Variants in GLRA1 observed in about 807,000 individuals in gnomAD.
The protein encoded by GLRA1 is glycine receptor subunit alpha-1.
Under a neutral mutation model 48.3 loss-of-function variants are expected in GLRA1, and 37 were observed. The ratio of observed to expected loss-of-function variants is 0.77; its 90% CI spans 0.59 to 1.01. The LOEUF (loss-of-function observed/expected upper bound fraction) is 1.01. GLRA1 is among the 50% of genes least tolerant of loss of function. The pLI is 0.00. For missense variants in GLRA1, 427 were observed against 571.0 expected, an observed-to-expected ratio of 0.75 and a Z score of 2.57; for synonymous variants, 196 against 210.7, an observed-to-expected ratio of 0.93 and a Z score of 0.60.
At chr5:151,867,809 G>GAATT (rs2113373215) in intron 3 of GLRA1, among the ~76,000 whole-genome samples, 1 of 152,298 alleles carries the variant, frequency 6.6e-6, no homozygotes, top group East Asian at 1.9e-4. Flanking sequence ...GCTGCAAAAT[G>GAATT]AATTAATTTG....
At chr5:151,889,659 A>G (rs751527432) in intron 2 of GLRA1, among the ~76,000 whole-genome samples, 1 of 152,132 alleles carries the variant, frequency 6.6e-6, no homozygotes, top group African/African-American at 2.4e-5. Context: ...GGTTTTAAAC[A>G]ATGCAGACCT....
At chr5:151,864,699 G>A (rs756003666) in intron 3 of GLRA1, among the ~76,000 whole-genome samples, 16 of 152,160 alleles carry the variant, frequency 1.1e-4, no homozygotes, top group African/African-American at 4.8e-5. Flanking sequence ...CTCCTAGCAA[G>A]ACCGAATCAC....
chr5:151,849,107 T>TC (rs1458240348), intron 7 of GLRA1: 1 of 130,094 alleles, frequency 7.7e-6, no homozygotes, highest in African/African-American at 7.8e-5. Context: ...TCTTTTCTTT[T>TC]CTTTCTTTCT....
At chr5:151,834,984 C>T (rs1279108458) in intron 7 of GLRA1, among the ~76,000 whole-genome samples, 12 of 136,330 alleles carry the variant, frequency 8.8e-5, no homozygotes, top group East Asian at 2.2e-4. Flanking sequence ...GCCAAGATTG[C>T]GCCACTGCAC....
intron 7 of GLRA1, chr5:151,849,144 CTTTCTTTCTTTTCTTTTCTTT>C (rs1752784937): frequency 5.4e-6 from 1 of 184,680 alleles, no homozygotes; most frequent in South Asian, 2.2e-4. Context: ...TTCTTTCTTT[CTTTCTTTCTTTTCTTTTCTTT>C]TCTTTCTTTC....
chr5:151,896,377 A>G (rs1447303200), intron 1 of GLRA1, among the ~76,000 whole-genome samples: 1 of 152,252 alleles, frequency 6.6e-6, no homozygotes, highest in African/African-American at 2.4e-5. Flanking sequence ...CAAATGCTAC[A>G]ACGTAAGGGA....
rs117996103 is a variant in GLRA1 at position 151,860,178 on chromosome 5, G to A, written c.253-170C>T. Among the ~76,000 whole-genome samples the A allele has an allele frequency of 6.6e-5, 10 of 152,126 alleles. No individual in the cohort carries two copies. The East Asian group carries it at 1.9e-3, about 29-fold the overall frequency. ...AAGGTGTGTATCAGGCAAAACCATG[G>A]GAGTCATAATTACTCCTGAAAATCC... is the stretch of plus-strand genomic sequence containing the variant. On this transcript the variant is annotated intron_variant, in intron 3 of 8. Transcript: ENST00000274576.
intron 7 of GLRA1, among the ~76,000 whole-genome samples, chr5:151,836,923 A>G (rs1045985533): frequency 3.3e-5 from 5 of 152,226 alleles, no homozygotes; most frequent in African/African-American, 1.2e-4. Flanking sequence ...AATGGCAACA[A>G]AAGCCAAAAT....
intron 3 of GLRA1, 75 bp downstream of exon 3, chr5:151,886,646 C>G: frequency 9.0e-7 from 1 of 1,112,942 alleles, no homozygotes; most frequent in Non-Finnish European, 1.4e-6. Flanking sequence ...TTGGTGGAGA[C>G]CAATGCAGAG....
At chr5:151,891,810 A>G (rs1754081750) in intron 2 of GLRA1, among the ~76,000 whole-genome samples, 1 of 152,174 alleles carries the variant, frequency 6.6e-6, no homozygotes, top group Non-Finnish European at 1.5e-5. Flanking sequence ...GGGGAGGAGC[A>G]GGGTGGGCTT....
intron 1 of GLRA1, among the ~76,000 whole-genome samples, chr5:151,911,206 C>T (rs1754600684): frequency 6.6e-6 from 1 of 152,168 alleles, no homozygotes; most frequent in South Asian, 2.1e-4. Flanking sequence ...TACTCTTTGC[C>T]TACCTGGTAA....
chr5:151,895,353 G>A (rs1337748954), intron 1 of GLRA1, among the ~76,000 whole-genome samples: 1 of 152,130 alleles, frequency 6.6e-6, no homozygotes, highest in Non-Finnish European at 1.5e-5. Flanking sequence ...TATATTGCAT[G>A]TGTTTGTTTT....
At chr5:151,842,251 A>G (rs937535848) in intron 7 of GLRA1, among the ~76,000 whole-genome samples, 1 of 152,010 alleles carries the variant, frequency 6.6e-6, no homozygotes, top group Non-Finnish European at 1.5e-5. Flanking sequence ...AACATTTCCC[A>G]ACTCTTTCTA....
intron 7 of GLRA1, chr5:151,850,109 C>T (rs1388612097): frequency 6.2e-6 from 10 of 1,604,032 alleles, no homozygotes; most frequent in African/African-American, 2.7e-5. Flanking sequence ...CAGATGGGTA[C>T]CACTTTGGTT....
chr5:151,919,925 G>A (rs1007762989), intron 1 of GLRA1, among the ~76,000 whole-genome samples: 3 of 152,220 alleles, frequency 2.0e-5, no homozygotes, highest in African/African-American at 7.2e-5. Flanking sequence ...AGTTAATGAC[G>A]CCCACATAAA....
chr5:151,870,751 G>A (rs1236192228), intron 3 of GLRA1, among the ~76,000 whole-genome samples: 1 of 149,590 alleles, frequency 6.7e-6, no homozygotes, highest in African/African-American at 2.6e-5. Context: ...GTGACGCAAG[G>A]ATGGTTTCTT....
At chr5:151,849,575 G>T (rs1242018454) in intron 7 of GLRA1, 1 of 139,978 alleles carries the variant, frequency 7.1e-6, no homozygotes, top group Non-Finnish European at 1.5e-5. Flanking sequence ...CTTTCTGATG[G>T]AGTTTTCACT....
At chr5:151,852,846 C>T (rs868260878) in intron 6 of GLRA1, among the ~76,000 whole-genome samples, 1 of 152,062 alleles carries the variant, frequency 6.6e-6, no homozygotes, top group Non-Finnish European at 1.5e-5. Context: ...AGTGGGATTG[C>T]TGGACCATGA....
intron 7 of GLRA1, chr5:151,849,154 TTTC>T (rs1162286030): frequency 1.2e-5 from 1 of 85,416 alleles, no homozygotes; most frequent in Non-Finnish European, 1.9e-5. Context: ...CTTTCTTTCT[TTTC>T]TTTTCTTTTC....
Sources: gnomAD v4.1 joint callset for allele counts (sites outside exome capture counted in the v4.1 genomes callset) on GRCh38, gnomAD v4.1.1 for gene constraint, MANE v1.5 for transcripts, NCBI Gene and HGNC (gene_info 2026-07-23, HGNC 2026-07-21) for gene names.